GPSM3: variants seen among roughly 807,000 people sequenced by gnomAD.
The protein encoded by GPSM3 is G protein-signaling modulator 3.
GPSM3 carries 16 observed loss-of-function variants against 20.4 expected under a neutral mutation model. The observed-to-expected ratio is 0.78, with a 90% CI of 0.53 to 1.19. The LOEUF (loss-of-function observed/expected upper bound fraction) is 1.19, where lower values mean the gene tolerates loss of function less well. Among genes scored for constraint, GPSM3 ranks in the 50% most tolerant of loss-of-function variants. The probability of loss-of-function intolerance (pLI) is 0.00; values close to 1 mark genes in which losing one functional copy is unlikely to be tolerated. For missense variants in GPSM3, 177 were observed against 204.6 expected, an observed-to-expected ratio of 0.86 and a Z score of 0.82; for synonymous variants, 70 against 79.6, an observed-to-expected ratio of 0.88 and a Z score of 0.64.
In GPSM3 at chr6:32,192,495, G is replaced by C. The variant is rs1214810099; in HGVS notation, c.19C>G (p.Gln7Glu). ...ACCTGCTCACCATCCTCTTCTTCCT[G>C]GGGTCTCTCAGCCTCCATCCCCTAG... The part of the protein sequence containing the change: MEAERP[Q>E]EEEDGEQGPP... Residue 7 changes from glutamine (Q) to glutamate (E), a missense_variant, in exon 1 of 4, where the codon CAG becomes GAG. By Grantham distance (29) the Gln-to-Glu change is conservative (BLOSUM62 2). Coordinates refer to ENST00000375040, the MANE Select transcript of GPSM3 (RefSeq NM_001276501.2). This position sits in a 1 kb window ranked among gnomAD's most constrained non-coding sequence, Gnocchi z 5.1. 6.3e-7 allele frequency: 1 copy of C among 1,591,772 alleles called. No individual in the cohort carries two copies. The highest frequency in any genetic ancestry group is 8.6e-7 in the Non-Finnish European group (1 of 1,168,376).
chr6:32,191,303 G>T lies in GPSM3; in HGVS notation c.*63C>A. 1 of 1,533,074 alleles carries T rather than the reference G, an allele frequency of 6.5e-7. No homozygotes were observed. Among genetic ancestry groups the T allele is most frequent in the Non-Finnish European group, 8.7e-7 (1 of 1,143,876 alleles). The allele number at this position is 1,533,074 out of a possible 1,614,324, so 95.0% of individuals were successfully genotyped here. A position where few individuals can be genotyped will look rare whatever the true frequency, so the allele number is the denominator to read the frequency against. On this transcript the variant is annotated 3_prime_UTR_variant, in exon 4 of 4. Transcript: ENST00000375040. The surrounding 1 kb of genome is among the most constrained non-coding windows in gnomAD (Gnocchi z 5.9). ...TACCCCTGCCAAGCAAGAGTTGAGGGCATGCAATGGGCTGCCCAGCTTTGA... is the reference window on the plus strand; with the variant it reads ...TACCCCTGCCAAGCAAGAGTTGAGGTCATGCAATGGGCTGCCCAGCTTTGA...
upstream of GPSM3, among the ~76,000 whole-genome samples, chr6:32,193,494 C>T (rs1011338624): frequency 2.6e-5 from 4 of 151,718 alleles, no homozygotes; most frequent in Admixed American, 6.6e-5. The surrounding 1 kb of genome is among the most constrained non-coding windows in gnomAD (Gnocchi z 4.7). Context: ...AGCGAGACTC[C>T]GTCTCCAAAA....
In GPSM3 at chr6:32,192,257, C is replaced by T; in HGVS notation, c.43-7G>A. 1 of 1,517,468 alleles carries T rather than the reference C, an allele frequency of 6.6e-7. No individual in the cohort carries two copies. The highest frequency in any genetic ancestry group is 2.3e-5 in the East Asian group (1 of 43,320). 94.0% of individuals were successfully genotyped at this position (1,517,468 alleles called of 1,614,324 possible). A position where few individuals can be genotyped will look rare whatever the true frequency, so the allele number is the denominator to read the frequency against. On this transcript the variant is annotated splice_polypyrimidine_tract_variant and splice_region_variant and intron_variant, in intron 1 of 3. Coordinates refer to ENST00000375040, the MANE Select transcript of GPSM3 (RefSeq NM_001276501.2). The surrounding 1 kb of genome is among the most constrained non-coding windows in gnomAD (Gnocchi z 5.1). ...CCTCATCCTGAGGGGGGCCCTGATGCCAAAATATGTCCATTCTAGTCAAGC... is the reference window on the plus strand; with the variant it reads ...CCTCATCCTGAGGGGGGCCCTGATGTCAAAATATGTCCATTCTAGTCAAGC...
Position 32,191,340 on chromosome 6 carries a change from A to T in GPSM3, c.*26T>A, listed in dbSNP as rs757557138. Reference sequence around the variant, plus strand: ...CTGCCCAGCTTTGAGACCAGTGGCAAGGAAGGGCTGGTTGGGGCTCAAGTC... The same window carrying T: ...CTGCCCAGCTTTGAGACCAGTGGCATGGAAGGGCTGGTTGGGGCTCAAGTC... On this transcript the variant is annotated 3_prime_UTR_variant, in exon 4 of 4. Transcript: ENST00000375040. The surrounding 1 kb of genome is among the most constrained non-coding windows in gnomAD (Gnocchi z 5.9). 6.4e-7 allele frequency: 1 copy of T among 1,570,738 alleles called. No homozygotes were observed. Among genetic ancestry groups the T allele is most frequent in the Admixed American group, 2.1e-5 (1 of 48,010 alleles).
chr6:32,191,997 G>A lies in GPSM3; in HGVS notation c.146-89C>T. 7.3e-7 allele frequency: 1 copy of A among 1,371,302 alleles called. No individual in the cohort carries two copies. The highest frequency in any genetic ancestry group is 1.0e-6 in the Non-Finnish European group (1 of 974,108). The allele number at this position is 1,371,302 out of a possible 1,614,324, so 84.9% of individuals were successfully genotyped here. A position where few individuals can be genotyped will look rare whatever the true frequency, so the allele number is the denominator to read the frequency against. On this transcript the variant is annotated intron_variant, in intron 2 of 3. Coordinates refer to ENST00000375040, the MANE Select transcript of GPSM3 (RefSeq NM_001276501.2). The surrounding 1 kb of genome is among the most constrained non-coding windows in gnomAD (Gnocchi z 5.9). ...AGTGTGGACAGGGTGACGTGATTAGGGACTTTGGATCAGAGGAGAGGGGGT... is the reference window on the plus strand; with the variant it reads ...AGTGTGGACAGGGTGACGTGATTAGAGACTTTGGATCAGAGGAGAGGGGGT...
chr6:32,194,075 G>A (rs204989), upstream of GPSM3, among the ~76,000 whole-genome samples: 31,843 of 152,154 alleles, frequency 0.21, 3,588 homozygotes, highest in East Asian at 0.3. The surrounding 1 kb of genome is among the most constrained non-coding windows in gnomAD (Gnocchi z 4.5). Flanking sequence ...ATAATGTAAT[G>A]AAGCACTTGA....
At chr6:32,195,224 G>T, upstream of GPSM3, 1 of 570,370 alleles carries the variant, frequency 1.8e-6, no homozygotes, top group Non-Finnish European at 3.0e-6. The surrounding 1 kb of genome is among the most constrained non-coding windows in gnomAD (Gnocchi z 5.4). Flanking sequence ...GGAGGACTGG[G>T]CCTGCCTCAT....
At position 32,191,002 on chromosome 6, in the gene GPSM3, A is replaced by C. The variant is rs1168717795; in HGVS notation, c.*364T>G. The C allele has an allele frequency of 4.9e-6, 1 of 203,812 alleles. No individual in the cohort carries two copies. The highest frequency in any genetic ancestry group is 9.8e-6 in the Non-Finnish European group (1 of 101,874). 12.6% of individuals were successfully genotyped at this position (203,812 alleles called of 1,614,324 possible). ...GCTGTCTCTCAGGTTATAACCTCTC[A>C]GGTGGAGGCCTGAGCCCTCAGACCC... On this transcript the variant is annotated 3_prime_UTR_variant, in exon 4 of 4. Transcript: ENST00000375040. The surrounding 1 kb of genome is among the most constrained non-coding windows in gnomAD (Gnocchi z 5.9).
upstream of GPSM3, chr6:32,195,291 G>T: frequency 1.4e-6 from 1 of 737,818 alleles, no homozygotes. This position sits in a 1 kb window ranked among gnomAD's most constrained non-coding sequence, Gnocchi z 5.4. Context: ...GAAGATGTCT[G>T]CTCTGGTGGG....
At chr6:32,195,433 T>C, upstream of GPSM3, 1 of 1,574,534 alleles carries the variant, frequency 6.4e-7, no homozygotes, top group Non-Finnish European at 8.6e-7. This position sits in a 1 kb window ranked among gnomAD's most constrained non-coding sequence, Gnocchi z 5.4. Flanking sequence ...TACCATGTAT[T>C]CTTCTATTTT....
upstream of GPSM3, chr6:32,194,684 A>C (rs1423658767): frequency 5.3e-6 from 1 of 188,950 alleles, no homozygotes; most frequent in Non-Finnish European, 1.1e-5. This position sits in a 1 kb window ranked among gnomAD's most constrained non-coding sequence, Gnocchi z 4.5. Flanking sequence ...TAATACCCTA[A>C]ATTATCATAG....
chr6:32,191,602 C>A lies in GPSM3; in HGVS notation c.346-99G>T, dbSNP rs973507650. On this transcript the variant is annotated intron_variant, in intron 3 of 3. Coordinates refer to ENST00000375040, the MANE Select transcript of GPSM3 (RefSeq NM_001276501.2). This position sits in a 1 kb window ranked among gnomAD's most constrained non-coding sequence, Gnocchi z 5.9. ...TGGTATGGGGAGGCATATAGGAAAC[C>A]TGTGAAGGCGATGGGGTGCCTAGGG... 6.7e-7 allele frequency: 1 copy of A among 1,486,966 alleles called. No individual in the cohort carries two copies. Among genetic ancestry groups the A allele is most frequent in the Non-Finnish European group, 9.1e-7 (1 of 1,104,944 alleles). 92.1% of individuals were successfully genotyped at this position (1,486,966 alleles called of 1,614,324 possible).
Position 32,191,841 on chromosome 6 carries a change from T to C in GPSM3, c.213A>G (p.Glu71=). The C allele has an allele frequency of 6.2e-7, 1 of 1,612,284 alleles. No homozygotes were observed. The highest frequency in any genetic ancestry group is 1.1e-5 in the South Asian group (1 of 91,052). The change falls in exon 3 of 4, where the codon GAA becomes GAG. Residue 71 remains glutamate (E), a synonymous_variant. Coordinates refer to ENST00000375040, the MANE Select transcript of GPSM3 (RefSeq NM_001276501.2). The surrounding 1 kb of genome is among the most constrained non-coding windows in gnomAD (Gnocchi z 5.9). The part of the protein sequence containing the change: ...QTELLLDLVA[E]AQSRRLEEQR... ...GCTCCTCCAGGCGGCGGGACTGGGC[T>C]TCAGCCACCAGGTCCAGAAGGAGTT...
Position 32,192,092 on chromosome 6 carries a change from A to G in GPSM3, c.145+56T>C, listed in dbSNP as rs1787565991. 1.4e-6 allele frequency: 2 copies of G among 1,405,780 alleles called. No homozygotes were observed. Among genetic ancestry groups the G allele is most frequent in the Admixed American group, 2.2e-5 (1 of 45,170 alleles). The allele number at this position is 1,405,780 out of a possible 1,614,324, so 87.1% of individuals were successfully genotyped here. On this transcript the variant is annotated intron_variant, in intron 2 of 3. Transcript: ENST00000375040. The surrounding 1 kb of genome is among the most constrained non-coding windows in gnomAD (Gnocchi z 5.1). ...GCCCACAATGGAGTGGGCCTTGGTA[A>G]TGGGGTCAGGATGTGGGCACTAGGG... is the stretch of plus-strand genomic sequence containing the variant.
At chr6:32,195,138 G>A (rs1156395172), upstream of GPSM3, 1 of 440,208 alleles carries the variant, frequency 2.3e-6, no homozygotes, top group African/African-American at 2.0e-5. This position sits in a 1 kb window ranked among gnomAD's most constrained non-coding sequence, Gnocchi z 5.4. Flanking sequence ...CATCCCATAT[G>A]CCTGCAATTC....
Position 32,192,561 on chromosome 6 carries a change from A to G in GPSM3, c.-48T>C. 8.6e-7 allele frequency: 1 copy of G among 1,157,322 alleles called. No individual in the cohort carries two copies. The highest frequency in any genetic ancestry group is 1.2e-6 in the Non-Finnish European group (1 of 858,932). The allele number at this position is 1,157,322 out of a possible 1,614,324, so 71.7% of individuals were successfully genotyped here. ...GGGGGAGGGGTGGCTGGGATTTGGG[A>G]GGAGGGCTGGAACCTTGGGTTCCTG... On this transcript the variant is annotated 5_prime_UTR_variant, in exon 1 of 4. Transcript: ENST00000375040. The surrounding 1 kb of genome is among the most constrained non-coding windows in gnomAD (Gnocchi z 5.1).
Position 32,191,660 on chromosome 6 carries a change from G to A in GPSM3, c.345+49C>T, listed in dbSNP as rs544726553. ...GGAGTAGAGCCCCAAAGAGAACAGG[G>A]GCCAAGAGACCAGGAGGCCTGGGTT... On this transcript the variant is annotated intron_variant, in intron 3 of 3. Transcript: ENST00000375040. This position sits in a 1 kb window ranked among gnomAD's most constrained non-coding sequence, Gnocchi z 5.9. 20 of 1,523,956 alleles carry A rather than the reference G, an allele frequency of 1.3e-5. 1 individual carries two copies. Among genetic ancestry groups the A allele is most frequent in the South Asian group, 6.1e-5 (5 of 81,534 alleles). The allele number at this position is 1,523,956 out of a possible 1,614,324, so 94.4% of individuals were successfully genotyped here.
rs3134605 is a variant in GPSM3 at position 32,192,179 on chromosome 6, T to C, written c.114A>G (p.Pro38=). ...STTRPWRSAP[P]SPPPPGTRHT... is the part of the protein sequence containing the mutation. The stretch of plus-strand genomic sequence containing the variant: ...GGCGGGTCCCTGGAGGAGGAGGGGA[T>C]GGAGGAGCAGATCGCCAAGGCCGAG... Residue 38 remains proline (P), a synonymous_variant, in exon 2 of 4, where the codon CCA becomes CCG. Transcript: ENST00000375040. This position sits in a 1 kb window ranked among gnomAD's most constrained non-coding sequence, Gnocchi z 5.1. The C allele has an allele frequency of 0.21, 314,091 of 1,508,352 alleles. 34,078 individuals carry two copies. Among genetic ancestry groups the C allele is most frequent in the East Asian group, 0.25 (10,762 of 43,388 alleles). 93.4% of individuals were successfully genotyped at this position (1,508,352 alleles called of 1,614,324 possible). A position where few individuals can be genotyped will look rare whatever the true frequency, so the allele number is the denominator to read the frequency against.
At position 32,191,534 on chromosome 6, in the gene GPSM3, G is replaced by A. The variant is rs1358882708; in HGVS notation, c.346-31C>T. The A allele has an allele frequency of 5.9e-6, 9 of 1,533,098 alleles. No individual in the cohort carries two copies. Among genetic ancestry groups the A allele is most frequent in the Non-Finnish European group, 7.9e-6 (9 of 1,140,982 alleles). 95.0% of individuals were successfully genotyped at this position (1,533,098 alleles called of 1,614,324 possible). On this transcript the variant is annotated intron_variant, in intron 3 of 3. Coordinates refer to ENST00000375040, the MANE Select transcript of GPSM3 (RefSeq NM_001276501.2). This position sits in a 1 kb window ranked among gnomAD's most constrained non-coding sequence, Gnocchi z 5.9. ...GGAGTGGAGGGAGAGGGAGAGCTTT[G>A]GTGAGGGTCTGAGAGGAGGAGGTTC...
Sources: allele counts gnomAD v4.1 joint callset (sites outside exome capture counted in the v4.1 genomes callset), GRCh38; gene constraint gnomAD v4.1.1; non-coding constraint Gnocchi (gnomAD v3.1); transcripts MANE v1.5; gene names NCBI Gene and HGNC (gene_info 2026-07-23, HGNC 2026-07-21).